TOR1A: variants seen among roughly 807,000 people sequenced by gnomAD.
TOR1A encodes torsin-1A.
A neutral mutation model predicts 31.4 loss-of-function variants in TOR1A; 18 were observed. That is an observed-to-expected ratio of 0.57 (90% CI 0.40 to 0.85). The LOEUF (loss-of-function observed/expected upper bound fraction) is 0.85. Among genes scored for constraint, TOR1A ranks in the 40% least tolerant of loss-of-function variants. TOR1A has a pLI of 0.00. For synonymous variants in TOR1A, 168 were observed against 165.9 expected, an observed-to-expected ratio of 1.01 and a Z score of -0.10; for missense variants, 375 against 416.4, an observed-to-expected ratio of 0.90 and a Z score of 0.87.
chr9:129,814,590 GTAATGCTTC>G (rs2030987572), intron 4 of TOR1A, among the ~76,000 whole-genome samples: 1 of 151,656 alleles, frequency 6.6e-6, no homozygotes, highest in Non-Finnish European at 1.5e-5. Context: ...CCTGCACATT[GTAATGCTTC>G]TGTGACAGCA....
At chr9:129,817,699 A>C (rs1453555188) in intron 4 of TOR1A, among the ~76,000 whole-genome samples, 1 of 89,420 alleles carries the variant, frequency 1.1e-5, no homozygotes, top group East Asian at 3.3e-4. Flanking sequence ...ACTCCATCTC[A>C]AAAAAAAAAA....
Position 129,818,890 on chromosome 9 carries a change from C to T in TOR1A, c.475G>A (p.Val159Met), listed in dbSNP as rs147749415. ...DQLQLWIRGN[V>M]SACARSIFIF... ...AAGATGGACCTCGCACAGGCACTCA[C>T]GTTGCCTCGAATCCACAACTGTAAC... Residue 159 changes from valine (V) to methionine (M), a missense_variant, in exon 3 of 5, where the codon GTG becomes ATG. Transcript: ENST00000351698. The T allele has an allele frequency of 1.3e-5, 21 of 1,613,642 alleles. No homozygotes were observed. Among genetic ancestry groups the T allele is most frequent in the African/African-American group, 1.1e-4 (8 of 74,920 alleles).
intron 2 of TOR1A, chr9:129,822,270 TAAAG>T (rs1161894143): frequency 1.5e-5 from 6 of 388,734 alleles, no homozygotes; most frequent in African/African-American, 1.3e-4. Context: ...CGTCTCAAAA[TAAAG>T]AAAAAAATAA....
At chr9:129,817,356 T>C (rs2031065307) in intron 4 of TOR1A, among the ~76,000 whole-genome samples, 1 of 152,198 alleles carries the variant, frequency 6.6e-6, no homozygotes, top group Non-Finnish European at 1.5e-5. Flanking sequence ...CATCCTTCCT[T>C]GCTCAACCAC....
At chr9:129,818,683 T>C in intron 3 of TOR1A, 36 bp from the exon 4 acceptor site, 2 of 1,614,154 alleles carry the variant, frequency 1.2e-6, no homozygotes, top group African/African-American at 1.3e-5. Context: ...GACAGGGTTT[T>C]CTCCTGGAGC....
intron 3 of TOR1A, 21 bp from the exon 4 acceptor site, chr9:129,818,668 G>A: frequency 1.2e-6 from 2 of 1,614,166 alleles, no homozygotes; most frequent in Non-Finnish European, 1.7e-6. Flanking sequence ...ATCCCAGTGG[G>A]TAAGGACAGG....
At chr9:129,819,776 A>AGCCAGGCATAGTGGCAGGC (rs2031136042) in intron 2 of TOR1A, among the ~76,000 whole-genome samples, 2 of 149,184 alleles carry the variant, frequency 1.3e-5, no homozygotes, top group Admixed American at 1.3e-4. Context: ...TACAAAAATT[A>AGCCAGGCATAGTGGCAGGC]GCCAGGCATA....
intron 1 of TOR1A, 133 bp from the exon 2 acceptor site, chr9:129,822,979 G>T: frequency 7.7e-7 from 1 of 1,291,926 alleles, no homozygotes; most frequent in Non-Finnish European, 1.1e-6. Context: ...AAGTACTGCG[G>T]TCTGTAAGCT....
At chr9:129,814,798 G>A (rs557442502) in intron 4 of TOR1A, among the ~76,000 whole-genome samples, 2 of 152,166 alleles carry the variant, frequency 1.3e-5, no homozygotes, top group South Asian at 2.1e-4. Context: ...CCACGCCTCT[G>A]TATTTGGGAA....
intron 4 of TOR1A, among the ~76,000 whole-genome samples, chr9:129,815,044 T>A (rs2031001089): frequency 6.6e-6 from 1 of 152,218 alleles, no homozygotes; most frequent in African/African-American, 2.4e-5. Context: ...CTGGAACTCC[T>A]GACCCAGGAC....
At position 129,819,949 on chromosome 9, in the gene TOR1A, T is replaced by A. The variant is rs934729085; in HGVS notation, c.445-1029A>T. ...CCGTCTCAAAAAAAAAAAATAATAA[T>A]AATAATAAATAAATAAAATAAAATA... On this transcript the variant is annotated intron_variant, in intron 2 of 4. Coordinates refer to ENST00000351698, the MANE Select transcript of TOR1A (RefSeq NM_000113.3). 3.8e-3 allele frequency among the ~76,000 whole-genome samples: 544 copies of A among 144,956 alleles called. 4 individuals are homozygous for A. Among genetic ancestry groups the A allele is most frequent in the Non-Finnish European group, 6.6e-3 (435 of 65,454 alleles).
At chr9:129,821,069 A>T (rs2031173787) in intron 2 of TOR1A, among the ~76,000 whole-genome samples, 1 of 152,198 alleles carries the variant, frequency 6.6e-6, no homozygotes, top group Non-Finnish European at 1.5e-5. Context: ...TGGGAAGTAG[A>T]GACAGCTGGA....
chr9:129,814,373 C>T, intron 4 of TOR1A, 151 bp from the exon 5 acceptor site: 1 of 1,083,798 alleles, frequency 9.2e-7, no homozygotes, highest in Non-Finnish European at 1.3e-6. Context: ...TGGGGGTCAC[C>T]CACCCACCCC....
intron 2 of TOR1A, among the ~76,000 whole-genome samples, chr9:129,819,208 C>T (rs907167828): frequency 6.6e-5 from 10 of 152,152 alleles, no homozygotes; most frequent in Admixed American, 3.9e-4. Context: ...CTCCAAAGCC[C>T]GATACTTTGG....
intron 2 of TOR1A, among the ~76,000 whole-genome samples, chr9:129,820,753 CCTGA>C (rs1245301936): frequency 1.3e-5 from 2 of 151,996 alleles, no homozygotes; most frequent in South Asian, 2.1e-4. Context: ...TGCCACCATG[CCTGA>C]CTAATTTTTT....
chr9:129,818,441 A>AC, intron 4 of TOR1A, 79 bp downstream of exon 4: 1 of 1,602,448 alleles, frequency 6.2e-7, no homozygotes, highest in Middle Eastern at 1.7e-4. Context: ...GGTGATGCTG[A>AC]CAGTGACCCT....
chr9:129,813,725 T>C lies in TOR1A; in HGVS notation c.*247A>G, dbSNP rs756484242. On this transcript the variant is annotated 3_prime_UTR_variant, in exon 5 of 5. Coordinates refer to ENST00000351698, the MANE Select transcript of TOR1A (RefSeq NM_000113.3). ...AAAAAATCATGAGCCCTGCGATGAG[T>C]GGGCTGGGAGCTGGCTCCTTCCTTC... 5.1e-6 allele frequency: 3 copies of C among 590,806 alleles called. No individual in the cohort carries two copies. In the South Asian group the frequency reaches 6.0e-5, roughly 12 times the overall value. The allele number at this position is 590,806 out of a possible 1,614,324, so 36.6% of individuals were successfully genotyped here. A position where few individuals can be genotyped will look rare whatever the true frequency, so the allele number is the denominator to read the frequency against.
At chr9:129,818,258 A>T (rs2031090705) in intron 4 of TOR1A, 1 of 501,244 alleles carries the variant, frequency 2.0e-6, no homozygotes, top group Admixed American at 3.1e-5. Context: ...AGGCAAGGTT[A>T]CGCCACTGCA....
intron 2 of TOR1A, 116 bp from the exon 3 acceptor site, chr9:129,819,036 G>C: frequency 8.3e-7 from 1 of 1,205,230 alleles, no homozygotes; most frequent in Admixed American, 1.9e-5. Flanking sequence ...TCGGCACTAA[G>C]AACTTTACAT....
Sources: gnomAD v4.1 joint callset for allele counts (sites outside exome capture counted in the v4.1 genomes callset) on GRCh38, gnomAD v4.1.1 for gene constraint, MANE v1.5 for transcripts, NCBI Gene and HGNC (gene_info 2026-07-23, HGNC 2026-07-21) for gene names.